The following FGF14 variants were observed in gnomAD, a reference collection of about 807,000 sequenced individuals.
FGF14 encodes fibroblast growth factor 14.
In FGF14, 5 loss-of-function variants were observed where a neutral mutation model predicts 25.5. That is an observed-to-expected ratio of 0.20 (90% CI 0.10 to 0.41). The LOEUF is 0.41. FGF14 is among the 10% of genes least tolerant of loss of function. The pLI is 1.00. For synonymous variants in FGF14, 138 were observed against 118.3 expected (o/e 1.17, Z -1.08); for missense variants, 222 against 320.1 (o/e 0.69, Z 2.34).
At chr13:101,754,888 T>C (rs1419747448) in intron 3 of FGF14, among the ~76,000 whole-genome samples, 2 of 152,190 alleles carry the variant, frequency 1.3e-5, no homozygotes, top group Non-Finnish European at 2.9e-5. Flanking sequence ...CAGTTCTCGG[T>C]TCTCATTTAA....
At chr13:101,812,741 C>A (rs12430269) in intron 3 of FGF14, among the ~76,000 whole-genome samples, 1 of 140,318 alleles carries the variant, frequency 7.1e-6, no homozygotes, top group African/African-American at 2.7e-5. Context: ...CAGCCCACTG[C>A]AACCTCTGCC....
At chr13:102,391,744 T>C (rs2139234436) in intron 1 of FGF14, among the ~76,000 whole-genome samples, 1 of 152,356 alleles carries the variant, frequency 6.6e-6, no homozygotes, top group Middle Eastern at 3.4e-3. Flanking sequence ...GCATATTGTG[T>C]TACTGCTTTC....
chr13:102,380,279 G>C (rs535279469), intron 1 of FGF14, among the ~76,000 whole-genome samples: 1 of 152,094 alleles, frequency 6.6e-6, no homozygotes, highest in East Asian at 1.9e-4. Flanking sequence ...CATGGAACAG[G>C]CATATAGTTT....
intron 1 of FGF14, among the ~76,000 whole-genome samples, chr13:102,009,673 GA>G (rs937034361): frequency 1.2e-4 from 18 of 149,694 alleles, no homozygotes; most frequent in Non-Finnish European, 2.2e-4. Context: ...CATTATCTTT[GA>G]AAAAAAAACT....
Position 101,806,362 on chromosome 13 carries a change from T to C in FGF14, c.408+62363A>G, listed in dbSNP as rs369692276. Among the ~76,000 whole-genome samples the C allele has an allele frequency of 3.4e-5, 5 of 147,148 alleles. No homozygotes were observed. The East Asian group carries it at 1.0e-3, about 29-fold the overall frequency. On this transcript the variant is annotated intron_variant, in intron 3 of 4. Transcript: ENST00000376143. ...TGAATCTGGAAGGTGGAGGTTACAG[T>C]GAGCCAAGATTGTGTCACTCCACAC... is the stretch of plus-strand genomic sequence containing the variant.
At chr13:101,885,364 G>A (rs1358042371) in intron 1 of FGF14, among the ~76,000 whole-genome samples, 7 of 152,098 alleles carry the variant, frequency 4.6e-5, no homozygotes, top group African/African-American at 1.4e-4. Context: ...TGGGAGGGAG[G>A]AAGAGAAAGA....
intron 1 of FGF14, among the ~76,000 whole-genome samples, chr13:102,201,476 T>G (rs1222181947): frequency 2.6e-5 from 4 of 152,168 alleles, no homozygotes; most frequent in Non-Finnish European, 5.9e-5. Flanking sequence ...GAATAGGGAT[T>G]GGCTGAAAAA....
chr13:101,941,831 C>A (rs1235363468), intron 1 of FGF14, among the ~76,000 whole-genome samples: 2 of 152,150 alleles, frequency 1.3e-5, no homozygotes, highest in Non-Finnish European at 2.9e-5. Context: ...AAAGAATAAA[C>A]CCAGGTAAAT....
chr13:102,244,220 G>C (rs559216938), intron 1 of FGF14, among the ~76,000 whole-genome samples: 2 of 152,084 alleles, frequency 1.3e-5, no homozygotes, highest in South Asian at 4.1e-4. Context: ...CTGTAGATCT[G>C]TGCTGGGTCT....
At chr13:101,881,563 A>G (rs1456924688) in intron 1 of FGF14, among the ~76,000 whole-genome samples, 1 of 152,212 alleles carries the variant, frequency 6.6e-6, no homozygotes, top group Non-Finnish European at 1.5e-5. Context: ...ATTCTTGTGC[A>G]TATTTAAGTA....
intron 3 of FGF14, among the ~76,000 whole-genome samples, chr13:101,753,420 A>T (rs972051220): frequency 6.6e-6 from 1 of 152,070 alleles, no homozygotes; most frequent in Non-Finnish European, 1.5e-5. Context: ...TTTTGTTCCT[A>T]AATATTGATT....
At chr13:102,017,808 C>T (rs2040424745) in intron 1 of FGF14, among the ~76,000 whole-genome samples, 1 of 152,010 alleles carries the variant, frequency 6.6e-6, no homozygotes, top group Non-Finnish European at 1.5e-5. Flanking sequence ...TATTAATTAT[C>T]TTTTTGGTCG....
At chr13:102,350,290 G>A (rs2057237172) in intron 1 of FGF14, among the ~76,000 whole-genome samples, 3 of 151,792 alleles carry the variant, frequency 2.0e-5, no homozygotes, top group Admixed American at 2.0e-4. Flanking sequence ...GATCCCTTGA[G>A]CCCAAGAGTT....
chr13:102,069,073 A>G (rs1313223386), intron 1 of FGF14, among the ~76,000 whole-genome samples: 4 of 152,016 alleles, frequency 2.6e-5, no homozygotes, highest in African/African-American at 9.7e-5. Context: ...GGGGCCTCCG[A>G]GAACCTTTAT....
At chr13:101,799,006 A>G (rs766311082) in intron 3 of FGF14, among the ~76,000 whole-genome samples, 4 of 152,160 alleles carry the variant, frequency 2.6e-5, no homozygotes, top group African/African-American at 4.8e-5. Context: ...TCATTTCTCA[A>G]TGAGTTAATC....
chr13:101,958,425 C>A lies in FGF14; in HGVS notation c.209-83129G>T, dbSNP rs368267769. ...ACTTCCTCCTGTCCCACTTATGAGT[C>A]CAAAGCCCTTGCACATCCTCCTGGA... On this transcript the variant is annotated intron_variant, in intron 1 of 4. Transcript: ENST00000376131. 3.6e-4 allele frequency among the ~76,000 whole-genome samples: 55 copies of A among 152,322 alleles called. 1 individual carries two copies. The highest frequency in any genetic ancestry group is 1.2e-3 in the African/African-American group (51 of 41,560).
intron 1 of FGF14, among the ~76,000 whole-genome samples, chr13:102,174,830 C>A (rs1047160557): frequency 1.1e-4 from 16 of 151,924 alleles, no homozygotes; most frequent in African/African-American, 3.6e-4. Flanking sequence ...ATGCTCACTA[C>A]CAGGGTGGCA....
rs370386983 is a variant in FGF14 at position 101,938,550 on chromosome 13, T to C, written c.209-63254A>G. On this transcript the variant is annotated intron_variant, in intron 1 of 4. Coordinates refer to the FGF14 transcript ENST00000376131. ...GTTTGTCCCAATAAAATCCATGCCA[T>C]TGAGAAAATTTTGTTTGTAGAAAAT... 6.4e-4 allele frequency among the ~76,000 whole-genome samples: 97 copies of C among 152,342 alleles called. 3 individuals are homozygous for C. The South Asian group carries it at 0.019, about 30-fold the overall frequency.
At chr13:102,183,305 G>A (rs189025657) in intron 1 of FGF14, among the ~76,000 whole-genome samples, 136 of 151,884 alleles carry the variant, frequency 9.0e-4, no homozygotes, top group African/African-American at 2.9e-3. Context: ...TGTTTTCTAC[G>A]AGTTCAAAAC....
Sources: gnomAD v4.1 joint callset for allele counts (sites outside exome capture counted in the v4.1 genomes callset) on GRCh38, gnomAD v4.1.1 for gene constraint, MANE v1.5 for transcripts, NCBI Gene and HGNC (gene_info 2026-07-23, HGNC 2026-07-21) for gene names.